The following BMP1 variants were observed in gnomAD, a reference collection of about 807,000 sequenced individuals.
BMP1 encodes bone morphogenetic protein 1.
BMP1 carries 63 observed loss-of-function variants against 116.8 expected under a neutral mutation model. The ratio of observed to expected loss-of-function variants is 0.54; its 90% confidence interval spans 0.44 to 0.67. The LOEUF (loss-of-function observed/expected upper bound fraction) is 0.67. BMP1 is among the 30% of genes least tolerant of loss of function. The probability of loss-of-function intolerance (pLI) is 0.00; values close to 1 mark genes in which losing one functional copy is unlikely to be tolerated. For missense variants in BMP1, 1,183 were observed against 1,358.9 expected, an observed-to-expected ratio of 0.87 and a Z score of 2.04; for synonymous variants, 536 against 533.4, an observed-to-expected ratio of 1.00 and a Z score of -0.07.
At chr8:22,201,296 C>G (rs942743683) in intron 15 of BMP1, 2 of 1,521,984 alleles carry the variant, frequency 1.3e-6, no homozygotes, top group Non-Finnish European at 1.8e-6. Context: ...CCCCCCACCT[C>G]CACTCTGCCA....
chr8:22,199,068 G>T, intron 15 of BMP1: 2 of 1,365,232 alleles, frequency 1.5e-6, no homozygotes. Flanking sequence ...CAGGCCTGGA[G>T]TTACTGCTCT....
chr8:22,209,713 C>T lies in BMP1; in HGVS notation c.2826+18C>T, dbSNP rs780514105. Reference sequence around the variant, plus strand: ...GCTCAGGGGTGAGGCCCCCACCCCTCGCCCTCCTGGCCCCATGCCCCACGC... The same window carrying T: ...GCTCAGGGGTGAGGCCCCCACCCCTTGCCCTCCTGGCCCCATGCCCCACGC... On this transcript the variant is annotated intron_variant, in intron 19 of 19. Coordinates refer to ENST00000306385, the MANE Select transcript of BMP1 (RefSeq NM_006129.5). 42 of 1,608,126 alleles carry T rather than the reference C, an allele frequency of 2.6e-5. No homozygotes were observed. The highest frequency in any genetic ancestry group is 3.2e-5 in the Non-Finnish European group (38 of 1,177,596).
In BMP1 at chr8:22,195,466, G is replaced by A. The variant is rs1321437286; in HGVS notation, c.1644G>A (p.Val548=). 1 of 1,605,910 alleles carries A rather than the reference G, an allele frequency of 6.2e-7. No homozygotes were observed. Among genetic ancestry groups the A allele is most frequent in the East Asian group, 2.2e-5 (1 of 44,618 alleles). ...ACCCTTTCCTTCCCACCACAGAGGT[G>A]GACGAGTGCTCTCGGCCCAACCGCG... ...AGFAVNFFKE[V]DECSRPNRGG... Residue 548 remains valine, a synonymous_variant, in exon 13 of 20, where the codon GTG becomes GTA. Coordinates refer to ENST00000306385, the MANE Select transcript of BMP1 (RefSeq NM_006129.5).
Position 22,194,236 on chromosome 8 carries a change from A to G in BMP1, c.1297+62A>G, listed in dbSNP as rs551226139. 3.9e-6 allele frequency: 6 copies of G among 1,541,948 alleles called. No homozygotes were observed. Among genetic ancestry groups the G allele is most frequent in the Admixed American group, 1.7e-5 (1 of 59,618 alleles). ...GGAGGTCTCTGGGCATGGTAAAACA[A>G]CTCCCTCCTGGCACCTGAGGGGCAA... On this transcript the variant is annotated intron_variant, in intron 10 of 19. Coordinates refer to ENST00000306385, the MANE Select transcript of BMP1 (RefSeq NM_006129.5). This position sits in a 1 kb window ranked among gnomAD's most constrained non-coding sequence, Gnocchi z 4.5.
At chr8:22,193,964 C>T (rs992875929) in intron 9 of BMP1, 94 bp from the exon 10 acceptor site, 7 of 989,672 alleles carry the variant, frequency 7.1e-6, no homozygotes, top group Non-Finnish European at 1.1e-5. Flanking sequence ...GGCCACAGAT[C>T]AGGGCCCAAG....
At chr8:22,196,921 T>C (rs2131887820) in intron 14 of BMP1, 81 bp downstream of exon 14, 10 of 1,479,372 alleles carry the variant, frequency 6.8e-6, no homozygotes, top group African/African-American at 1.4e-5. Context: ...TCCTGTCCTC[T>C]GAGAGGGGGC....
intron 8 of BMP1, among the ~76,000 whole-genome samples, chr8:22,187,620 A>G (rs1009414950): frequency 6.8e-5 from 10 of 147,682 alleles, no homozygotes; most frequent in Admixed American, 2.8e-4. Context: ...AAGTGCTGGG[A>G]TTACAGGTGT....
At chr8:22,183,622 A>ATTG (rs1278599153) in intron 8 of BMP1, among the ~76,000 whole-genome samples, 10 of 150,286 alleles carry the variant, frequency 6.7e-5, no homozygotes, top group African/African-American at 2.5e-4. Context: ...TATTATTATT[A>ATTG]TTGAGACGTG....
intron 8 of BMP1, 111 bp downstream of exon 8, chr8:22,180,594 C>T (rs912945178): frequency 8.3e-6 from 8 of 961,392 alleles, no homozygotes; most frequent in East Asian, 2.5e-5. Context: ...ACCTGGCTAC[C>T]GTAAATGTAT....
intron 1 of BMP1, among the ~76,000 whole-genome samples, chr8:22,169,074 TG>T (rs1316490678): frequency 6.6e-6 from 1 of 150,918 alleles, no homozygotes; most frequent in Non-Finnish European, 1.5e-5. Context: ...GAGGCTTAGC[TG>T]GGAGGAGTTG....
At position 22,194,971 on chromosome 8, in the gene BMP1, C is replaced by T. The variant is rs1288404434; in HGVS notation, c.1639+52C>T. ...CCCAAGGTGCCTCGTGACCTTCATCCCTTCTTCACTCACTCATTCAACACG... is the reference window on the plus strand; with the variant it reads ...CCCAAGGTGCCTCGTGACCTTCATCTCTTCTTCACTCACTCATTCAACACG... On this transcript the variant is annotated intron_variant, in intron 12 of 19. Coordinates refer to ENST00000306385, the MANE Select transcript of BMP1 (RefSeq NM_006129.5). This position sits in a 1 kb window ranked among gnomAD's most constrained non-coding sequence, Gnocchi z 4.5. The T allele has an allele frequency of 2.6e-6, 4 of 1,515,198 alleles. No homozygotes were observed. Among genetic ancestry groups the T allele is most frequent in the Middle Eastern group, 2.3e-4 (1 of 4,434 alleles). 93.9% of individuals were successfully genotyped at this position (1,515,198 alleles called of 1,614,324 possible).
chr8:22,173,620 T>C lies in BMP1; in HGVS notation c.167T>C (p.Ile56Thr). ...PCKAAAFLGD[I>T]ALDEEDLRAF... is the part of the protein sequence containing the mutation. ...TCTTTAGCTGCCTTTCTTGGGGACA[T>C]TGCCCTGGACGAAGAGGACCTGAGG... The change falls in exon 2 of 20, where the codon ATT (isoleucine) becomes ACT (threonine). Residue 56 changes from isoleucine to threonine, a missense_variant. By Grantham distance (89) the Ile-to-Thr change is moderately conservative. Around this residue, in one of 4 missense-constraint regions of BMP1, gnomAD observed 185 missense variants for 158.9 expected, o/e 1.16. Transcript: ENST00000306385. 6.2e-7 allele frequency: 1 copy of C among 1,612,258 alleles called. No homozygotes were observed. Among genetic ancestry groups the C allele is most frequent in the Non-Finnish European group, 8.5e-7 (1 of 1,179,146 alleles).
At chr8:22,199,001 C>T in intron 15 of BMP1, 13 of 1,314,604 alleles carry the variant, frequency 9.9e-6, no homozygotes, top group Non-Finnish European at 1.3e-5. Context: ...CTCGTCTCTT[C>T]CTGCCCTTCT....
chr8:22,182,654 A>C (rs894972010), intron 8 of BMP1, among the ~76,000 whole-genome samples: 1 of 152,236 alleles, frequency 6.6e-6, no homozygotes, highest in Non-Finnish European at 1.5e-5. Context: ...GTGAACCCAA[A>C]CTGGCTCCTA....
intron 1 of BMP1, among the ~76,000 whole-genome samples, chr8:22,168,791 C>T (rs1040893829): frequency 3.9e-5 from 6 of 152,128 alleles, no homozygotes; most frequent in Admixed American, 6.5e-5. Flanking sequence ...TTCAGTGCCG[C>T]AAGGGGTGAG....
intron 15 of BMP1, chr8:22,201,366 G>T (rs1456041924): frequency 6.8e-7 from 1 of 1,472,384 alleles, no homozygotes; most frequent in African/African-American, 1.4e-5. Flanking sequence ...CACTGTGCCC[G>T]TCCGCGGACC....
intron 8 of BMP1, among the ~76,000 whole-genome samples, chr8:22,191,123 C>T (rs1252849962): frequency 6.6e-6 from 1 of 152,228 alleles, no homozygotes; most frequent in South Asian, 2.1e-4. Flanking sequence ...GCGAGCGTTT[C>T]CTGAGCTTGG....
At chr8:22,200,341 A>C (rs1330121544) in intron 15 of BMP1, among the ~76,000 whole-genome samples, 4 of 152,140 alleles carry the variant, frequency 2.6e-5, no homozygotes, top group Non-Finnish European at 5.9e-5. Context: ...CTTTGTATCC[A>C]TGTCCAGGTG....
intron 16 of BMP1, among the ~76,000 whole-genome samples, chr8:22,203,246 C>T (rs1417077918): frequency 6.6e-6 from 1 of 152,016 alleles, no homozygotes; most frequent in Non-Finnish European, 1.5e-5. Context: ...TTTCAGTTTC[C>T]TCATCCATGA....
Sources: allele counts gnomAD v4.1 joint callset (sites outside exome capture counted in the v4.1 genomes callset), GRCh38; gene constraint gnomAD v4.1.1; regional missense constraint gnomAD v4.1.1; non-coding constraint Gnocchi (gnomAD v3.1); transcripts MANE v1.5; gene names NCBI Gene and HGNC (gene_info 2026-07-23, HGNC 2026-07-21).